The following SGSM2 variants were observed in gnomAD, a reference collection of about 807,000 sequenced individuals.
SGSM2 encodes RUN and TBC1 domain containing 1.
SGSM2 carries 89 observed loss-of-function variants against 126.6 expected under a neutral mutation model. The ratio of observed to expected loss-of-function variants is 0.70; its 90% CI spans 0.59 to 0.84. The LOEUF (loss-of-function observed/expected upper bound fraction) is 0.84. Ranked by LOEUF, SGSM2 falls within the 40% of genes least tolerant of loss-of-function variation. The pLI, the probability that SGSM2 is intolerant of heterozygous loss-of-function variation, is 0.00. For missense variants in SGSM2, 1,404 were observed against 1,416.6 expected (o/e 0.99, Z 0.14); for synonymous variants, 614 against 574.3 (o/e 1.07, Z -0.99).
At position 2,379,164 on chromosome 17, in the gene SGSM2, A is replaced by G. The variant is rs760890211; in HGVS notation, c.3028A>G (p.Asn1010Asp). ...GGCCTACCGAGAGATCATCCGTGAC[A>G]ACAACATGGACTTCACTGACATCAT... ...VEAYREIIRD[N>D]NMDFTDIIKF... Residue 1010 changes from asparagine (N) to aspartate (D), a missense_variant, in exon 23 of 24, where the codon AAC (asparagine) becomes GAC (aspartate). Coordinates refer to ENST00000268989, the MANE Select transcript of SGSM2 (RefSeq NM_014853.3). The G allele has an allele frequency of 6.2e-7, 1 of 1,614,014 alleles. No individual in the cohort carries two copies. The highest frequency in any genetic ancestry group is 1.1e-5 in the South Asian group (1 of 91,060).
At position 2,345,595 on chromosome 17, in the gene SGSM2, C is replaced by CAA. The variant is rs1228278801; in HGVS notation, c.133+1995_133+1996dup. On this transcript the variant is annotated intron_variant, in intron 2 of 23. Transcript: ENST00000268989. ...TGGGTGACAGAGCGAGACTCTGTCT[C>CAA]AAAAAAAAAAAAAAAAAAAAATTCC... Among the ~76,000 whole-genome samples, 490 of 83,928 alleles carry CAA rather than the reference C, an allele frequency of 5.8e-3. 3 individuals carry two copies. The highest frequency in any genetic ancestry group is 7.2e-3 in the Admixed American group (57 of 7,956). The allele number at this position is 83,928 out of a possible 152,430, so 55.1% of individuals were successfully genotyped here. A position where few individuals can be genotyped will look rare whatever the true frequency, so the allele number is the denominator to read the frequency against.
intron 2 of SGSM2, among the ~76,000 whole-genome samples, chr17:2,348,112 G>A (rs1389529938): frequency 2.6e-5 from 4 of 152,198 alleles, no homozygotes; most frequent in Admixed American, 6.5e-5. Flanking sequence ...CTGTTGCTAG[G>A]CAGCTTTCAT....
chr17:2,350,843 T>C (rs9915206), intron 2 of SGSM2, among the ~76,000 whole-genome samples: 16,629 of 152,200 alleles, frequency 0.11, 1,651 homozygotes, highest in African/African-American at 0.26. Context: ...CCTTGGGATA[T>C]GCTGTTACTT....
intron 2 of SGSM2, among the ~76,000 whole-genome samples, chr17:2,350,158 G>T (rs986476894): frequency 6.6e-6 from 1 of 151,740 alleles, no homozygotes; most frequent in African/African-American, 2.4e-5. Context: ...CTGACCTCAG[G>T]TGATCCACCT....
rs1211115533 is a variant in SGSM2 at position 2,343,589 on chromosome 17, T to C, written c.102T>C (p.His34=). 6.2e-7 allele frequency: 1 copy of C among 1,614,212 alleles called. No individual in the cohort carries two copies. The highest frequency in any genetic ancestry group is 8.5e-7 in the Non-Finnish European group (1 of 1,180,024). The change falls in exon 2 of 24, where the codon CAT becomes CAC. Residue 34 remains histidine, a synonymous_variant. Coordinates refer to ENST00000268989, the MANE Select transcript of SGSM2 (RefSeq NM_014853.3). ...MEEAVTRKFV[H]EDSSHIIALC... is the part of the protein sequence containing the mutation. ...AGGCTGTCACCAGGAAGTTTGTGCA[T>C]GAAGACAGCAGCCACATCATTGCTT... is the stretch of plus-strand genomic sequence containing the variant.
In SGSM2 at chr17:2,373,014, G is replaced by A. The variant is rs757631372; in HGVS notation, c.1850G>A (p.Arg617His). The A allele has an allele frequency of 7.5e-6, 12 of 1,600,808 alleles. No homozygotes were observed. Among genetic ancestry groups the A allele is most frequent in the African/African-American group, 2.7e-5 (2 of 74,592 alleles). The change falls in exon 16 of 24, where the codon CGC (arginine) becomes CAC (histidine). Residue 617 changes from arginine to histidine, a missense_variant. Coordinates refer to ENST00000268989, the MANE Select transcript of SGSM2 (RefSeq NM_014853.3). ...TACGGAGGCATAGAGCACGAGATCC[G>A]CAAGGACGTCTGGCCCTTTCTGCTT... ...VYYGGIEHEI[R>H]KDVWPFLLGH...
At chr17:2,346,302 C>A (rs1484716412) in intron 2 of SGSM2, among the ~76,000 whole-genome samples, 2 of 152,178 alleles carry the variant, frequency 1.3e-5, no homozygotes, top group African/African-American at 2.4e-5. Context: ...CTCAACTCCA[C>A]ACCGACCCAT....
At position 2,376,941 on chromosome 17, in the gene SGSM2, A is replaced by G. The variant is rs371710539; in HGVS notation, c.2693-18A>G. On this transcript the variant is annotated intron_variant, in intron 20 of 23. Transcript: ENST00000268989. Reference sequence around the variant, plus strand: ...CTGCGTCTCCTGCCCTGCCAGCTTCACTCCTGTCTCCCCTCAGATCAGCTG... The same window carrying G: ...CTGCGTCTCCTGCCCTGCCAGCTTCGCTCCTGTCTCCCCTCAGATCAGCTG... 1.1e-5 allele frequency: 18 copies of G among 1,608,284 alleles called. No homozygotes were observed. The highest frequency in any genetic ancestry group is 1.1e-5 in the Non-Finnish European group (13 of 1,175,748).
At chr17:2,370,148 G>A (rs532785306) in intron 12 of SGSM2, among the ~76,000 whole-genome samples, 31 of 152,350 alleles carry the variant, frequency 2.0e-4, no homozygotes, top group Non-Finnish European at 3.7e-4. Flanking sequence ...GGCTGAGCCA[G>A]CCGAGCAAAC....
In SGSM2 at chr17:2,367,259, C is replaced by G; in HGVS notation, c.1289-12C>G. 3 of 1,610,468 alleles carry G rather than the reference C, an allele frequency of 1.9e-6. No homozygotes were observed. The highest frequency in any genetic ancestry group is 1.7e-4 in the Middle Eastern group (1 of 6,040). ...CCTCATGCCTCTGCCTCTCGCTGTT[C>G]TCTTTGAGCAGTCACTATTAACTAC... is the stretch of plus-strand genomic sequence containing the variant. On this transcript the variant is annotated splice_polypyrimidine_tract_variant and intron_variant, in intron 11 of 23. Coordinates refer to ENST00000268989, the MANE Select transcript of SGSM2 (RefSeq NM_014853.3). This position sits in a 1 kb window ranked among gnomAD's most constrained non-coding sequence, Gnocchi z 4.0.
chr17:2,371,370 G>A lies in SGSM2; in HGVS notation c.1532G>A (p.Ser511Asn), dbSNP rs2065863346. ...GSSCLSCSSS[S>N]SPHATPSHCS... is the part of the protein sequence containing the mutation. ...TCCTGCCTCTCCTGCTCCTCCAGCA[G>A]CTCCCCACATGCAACCCCCAGCCAC... is the stretch of plus-strand genomic sequence containing the variant. Residue 511 changes from serine (S) to asparagine (N), a missense_variant, in exon 13 of 24, where the codon AGC becomes AAC. Ser to Asn is a conservative substitution (Grantham distance 46, BLOSUM62 1). Transcript: ENST00000268989. 1 of 1,611,496 alleles carries A rather than the reference G, an allele frequency of 6.2e-7. No individual in the cohort carries two copies. The highest frequency in any genetic ancestry group is 1.3e-5 in the African/African-American group (1 of 74,840).
intron 1 of SGSM2, among the ~76,000 whole-genome samples, chr17:2,338,773 TAATATA>T (rs924749816): frequency 1.3e-5 from 1 of 77,846 alleles, no homozygotes; most frequent in African/African-American, 6.2e-5. Flanking sequence ...GCCGTCTCCC[TAATATA>T]TATATATATA....
intron 9 of SGSM2, 85 bp downstream of exon 9, chr17:2,364,748 T>G (rs560877607): frequency 4.7e-5 from 74 of 1,558,542 alleles, no homozygotes; most frequent in Non-Finnish European, 6.3e-5. Flanking sequence ...CCTGTAAGAC[T>G]CCTCGTCCTC....
chr17:2,372,713 C>T lies in SGSM2; in HGVS notation c.1788+225C>T. On this transcript the variant is annotated intron_variant, in intron 15 of 23. Coordinates refer to ENST00000268989, the MANE Select transcript of SGSM2 (RefSeq NM_014853.3). This position sits in a 1 kb window ranked among gnomAD's most constrained non-coding sequence, Gnocchi z 6.0. ...CTCCACATCGCCCTGTGACCCTGGA[C>T]AAAGCTTTGCCTCTCTCCGGGCGCC... The T allele has an allele frequency of 2.5e-6, 2 of 805,560 alleles. No individual in the cohort carries two copies. 49.9% of individuals were successfully genotyped at this position (805,560 alleles called of 1,614,324 possible). A position where few individuals can be genotyped will look rare whatever the true frequency, so the allele number is the denominator to read the frequency against.
At chr17:2,353,024 G>A (rs1488409153) in intron 2 of SGSM2, among the ~76,000 whole-genome samples, 1 of 151,666 alleles carries the variant, frequency 6.6e-6, no homozygotes, top group African/African-American at 2.4e-5. Context: ...TGATCCACCC[G>A]CCTCGGCCTC....
At chr17:2,368,211 C>A (rs543615710) in intron 12 of SGSM2, among the ~76,000 whole-genome samples, 1 of 152,278 alleles carries the variant, frequency 6.6e-6, no homozygotes, top group African/African-American at 2.4e-5. Context: ...GCGTAGTGCC[C>A]TCAGCCTCTC....
intron 12 of SGSM2, among the ~76,000 whole-genome samples, chr17:2,368,508 C>G (rs1388599547): frequency 4.6e-5 from 7 of 152,214 alleles, no homozygotes; most frequent in Admixed American, 4.6e-4. Context: ...TTCCAAAGTT[C>G]TGCCGGGAAG....
chr17:2,371,703 G>A (rs570224494), intron 13 of SGSM2: 5 of 429,268 alleles, frequency 1.2e-5, no homozygotes, highest in East Asian at 4.7e-5. Flanking sequence ...GTGAAGGTCC[G>A]GAGTTGTGCC....
In SGSM2 at chr17:2,376,658, G is replaced by C. The variant is rs73298205; in HGVS notation, c.2610-75G>C. On this transcript the variant is annotated intron_variant, in intron 19 of 23. Transcript: ENST00000268989. The stretch of plus-strand genomic sequence containing the variant: ...GACTTCTGGGCGGCAGGTGGCTCTG[G>C]AGGACGTCTTCCCAGGGATCCCGAG... The C allele has an allele frequency of 3.2e-3, 4,855 of 1,519,282 alleles. 154 individuals carry two copies. In the African/African-American group the frequency reaches 0.06, roughly 19 times the overall value. The allele number at this position is 1,519,282 out of a possible 1,614,324, so 94.1% of individuals were successfully genotyped here.
Sources: allele counts gnomAD v4.1 joint callset (sites outside exome capture counted in the v4.1 genomes callset), GRCh38; gene constraint gnomAD v4.1.1; non-coding constraint Gnocchi (gnomAD v3.1); transcripts MANE v1.5; gene names NCBI Gene and HGNC (gene_info 2026-07-23, HGNC 2026-07-21).